MBD3: variants seen among roughly 807,000 people sequenced by gnomAD.
MBD3 encodes the protein methyl-CpG-binding domain protein 3.
Under a neutral mutation model 31.2 loss-of-function variants are expected in MBD3, and 13 were observed. The observed-to-expected ratio is 0.42, with a 90% CI of 0.27 to 0.66. The LOEUF is 0.66. Ranked by LOEUF, MBD3 falls within the 30% of genes least tolerant of loss-of-function variation. MBD3 has a pLI of 0.26. For synonymous variants in MBD3, 223 were observed against 187.4 expected (o/e 1.19, Z -1.55); for missense variants, 440 against 426.5 (o/e 1.03, Z -0.28).
At chr19:1,584,910 CCTGCGCCTTCCGCT>C in intron 2 of MBD3, 131 bp downstream of exon 2, 1 of 1,250,214 alleles carries the variant, frequency 8.0e-7, no homozygotes, top group South Asian at 1.3e-5. Flanking sequence ...CACCCTGTGG[CCTGCGCCTTCCGCT>C]CTGTGCCCTC....
intron 2 of MBD3, 69 bp downstream of exon 2, chr19:1,584,986 T>A (rs1222614318): frequency 8.8e-6 from 14 of 1,589,074 alleles, no homozygotes; most frequent in African/African-American, 1.3e-5. Flanking sequence ...CGCCTGCAGC[T>A]CACGTCATGG....
In MBD3 at chr19:1,575,429, CAGA is replaced by C. The variant is rs1173299259; in HGVS notation, c.*2732_*2734del. 3.0e-6 allele frequency: 1 copy of C among 330,062 alleles called. No homozygotes were observed. Among genetic ancestry groups the C allele is most frequent in the Non-Finnish European group, 6.1e-6 (1 of 164,810 alleles). The allele number at this position is 330,062 out of a possible 1,614,324, so 20.4% of individuals were successfully genotyped here. A position where few individuals can be genotyped will look rare whatever the true frequency, so the allele number is the denominator to read the frequency against. On this transcript the variant is annotated 3_prime_UTR_variant, in exon 7 of 7. Transcript: ENST00000434436. ...TCTTGTCTAAAAAAAAAAAAAGTCC[CAGA>C]AGGTCTTGGGGCTGAGACATGGGCG...
intron 1 of MBD3, among the ~76,000 whole-genome samples, chr19:1,591,598 T>C (rs2060703938): frequency 6.6e-6 from 1 of 152,024 alleles, no homozygotes; most frequent in African/African-American, 2.4e-5. Context: ...CGTCCTCCGC[T>C]TTCCCCTCCT....
At chr19:1,587,244 C>G (rs1449994904) in intron 1 of MBD3, among the ~76,000 whole-genome samples, 5 of 150,746 alleles carry the variant, frequency 3.3e-5, no homozygotes, top group Non-Finnish European at 7.4e-5. Flanking sequence ...GGATTACAGG[C>G]GTGAGCCACC....
At chr19:1,581,905 C>T (rs1480026770) in intron 4 of MBD3, among the ~76,000 whole-genome samples, 1 of 151,868 alleles carries the variant, frequency 6.6e-6, no homozygotes, top group African/African-American at 2.4e-5. Flanking sequence ...GTAGCTGAGA[C>T]TACAGGCGGC....
In MBD3 at chr19:1,584,567, C is replaced by T. The variant is rs375461852; in HGVS notation, c.381G>A (p.Pro127=). ...NHPSNKVKSD[P]QKAVDQPRQL... is the part of the protein sequence containing the mutation. ...GGCGCGGCTGGTCCACCGCCTTCTG[C>T]GGGTCGCTCTTGACCTTGTTGCTGG... The change falls in exon 3 of 7, where the codon CCG becomes CCA. Residue 127 remains proline, a synonymous_variant. Coordinates refer to ENST00000434436, the MANE Select transcript of MBD3 (RefSeq NM_001281453.2). 2 of 1,613,680 alleles carry T rather than the reference C, an allele frequency of 1.2e-6. No individual in the cohort carries two copies. The highest frequency in any genetic ancestry group is 2.2e-5 in the East Asian group (1 of 44,862).
Position 1,584,648 on chromosome 19 carries a change from G to T in MBD3, c.300C>A (p.Pro100=), listed in dbSNP as rs1474183201. Residue 100 remains proline, a synonymous_variant, in exon 3 of 7, where the codon CCC becomes CCA. Transcript: ENST00000434436. The stretch of plus-strand genomic sequence containing the variant: ...TGAAGATGGACGCCGTCTGGCGCAC[G>T]GGCAGCGCCGTGTTCAGGTCGGGCT... ...KGKPDLNTAL[P]VRQTASIFKQ... The T allele has an allele frequency of 6.2e-7, 1 of 1,613,308 alleles. No homozygotes were observed. Among genetic ancestry groups the T allele is most frequent in the Middle Eastern group, 1.6e-4 (1 of 6,062 alleles).
Position 1,592,537 on chromosome 19 carries a change from TC to T in MBD3, c.94del (p.Asp32MetfsTer28). The T allele has an allele frequency of 7.0e-7, 1 of 1,431,276 alleles. No individual in the cohort carries two copies. Among genetic ancestry groups the T allele is most frequent in the Non-Finnish European group, 9.4e-7 (1 of 1,068,524 alleles). The allele number at this position is 1,431,276 out of a possible 1,614,324, so 88.7% of individuals were successfully genotyped here. On this transcript the variant is annotated frameshift_variant, in exon 1 of 7. Coordinates refer to ENST00000434436, the MANE Select transcript of MBD3 (RefSeq NM_001281453.2). LOFTEE classifies it high-confidence loss of function. ...GCTCATTCACCTATAGTAAAAGACA[TC>T]CCTGTGGCCGGCCGACAGCCCCGAC... ...RRSGLSAGHR[D>X]VFYYSPSGKK...
intron 4 of MBD3, chr19:1,581,481 G>A (rs544686028): frequency 1.1e-4 from 67 of 614,108 alleles, no homozygotes; most frequent in South Asian, 1.0e-3. Flanking sequence ...GGCGACTCCC[G>A]CCTGTAATCC....
intron 2 of MBD3, 37 bp from the exon 3 acceptor site, chr19:1,584,714 G>C (rs767695872): frequency 1.9e-6 from 3 of 1,597,068 alleles, no homozygotes; most frequent in African/African-American, 2.7e-5. Flanking sequence ...GCCTGGGGGC[G>C]CCCCGGCGGC....
rs1046862645 is a variant in MBD3, at chr19:1,578,652, C to G, written c.678-114G>C. On this transcript the variant is annotated intron_variant, in intron 5 of 6. Transcript: ENST00000434436. This position sits in a 1 kb window ranked among gnomAD's most constrained non-coding sequence, Gnocchi z 6.1. Reference sequence around the variant, plus strand: ...GGAGGCCCGAGGGATCCACAGGCACCCCCCCAGGACCAGCCCTGGCCCGTG... The same window carrying G: ...GGAGGCCCGAGGGATCCACAGGCACGCCCCCAGGACCAGCCCTGGCCCGTG... The G allele has an allele frequency of 6.3e-7, 1 of 1,587,212 alleles. No homozygotes were observed. Among genetic ancestry groups the G allele is most frequent in the African/African-American group, 1.3e-5 (1 of 74,632 alleles).
At chr19:1,586,091 T>C (rs2145604586) in intron 1 of MBD3, 1 of 152,326 alleles carries the variant, frequency 6.6e-6, no homozygotes, top group African/African-American at 2.4e-5. Context: ...GGAACAGCCA[T>C]GTTGGAAAAG....
Position 1,585,282 on chromosome 19 carries a change from G to C in MBD3, c.111-68C>G, listed in dbSNP as rs2060673932. 1.3e-6 allele frequency: 2 copies of C among 1,507,754 alleles called. No individual in the cohort carries two copies. Among genetic ancestry groups the C allele is most frequent in the Non-Finnish European group, 1.8e-6 (2 of 1,125,818 alleles). The allele number at this position is 1,507,754 out of a possible 1,614,324, so 93.4% of individuals were successfully genotyped here. ...ACCCCAAACCCAGGCCTCGGCCGCA[G>C]ACCCAAACCCAGTCCCAGCCCCAGC... is the stretch of plus-strand genomic sequence containing the variant. On this transcript the variant is annotated intron_variant, in intron 1 of 6. Transcript: ENST00000434436. This position sits in a 1 kb window ranked among gnomAD's most constrained non-coding sequence, Gnocchi z 4.1.
chr19:1,575,232 C>A lies in MBD3; in HGVS notation c.*2932G>T, dbSNP rs572013627. 4.7e-6 allele frequency: 2 copies of A among 428,124 alleles called. No individual in the cohort carries two copies. Among genetic ancestry groups the A allele is most frequent in the East Asian group, 7.4e-5 (1 of 13,574 alleles). The allele number at this position is 428,124 out of a possible 1,614,324, so 26.5% of individuals were successfully genotyped here. A position where few individuals can be genotyped will look rare whatever the true frequency, so the allele number is the denominator to read the frequency against. ...ATCACCTGAGGTTAGGAGTTCCAGA[C>A]CAGACTGGCCAACATGGTGAAACCC... is the stretch of plus-strand genomic sequence containing the variant. On this transcript the variant is annotated 3_prime_UTR_variant, in exon 7 of 7. Transcript: ENST00000434436.
At chr19:1,579,323 T>C (rs1917293622) in intron 5 of MBD3, among the ~76,000 whole-genome samples, 1 of 150,066 alleles carries the variant, frequency 6.7e-6, no homozygotes, top group Non-Finnish European at 1.5e-5. Flanking sequence ...TTACCATGGC[T>C]CGGGCGGCCT....
chr19:1,586,444 G>A (rs1599346374), intron 1 of MBD3: 1 of 152,366 alleles, frequency 6.6e-6, no homozygotes, highest in East Asian at 1.9e-4. Context: ...GAGACAGGAA[G>A]GGGACGCGTA....
chr19:1,584,529 G>T lies in MBD3; in HGVS notation c.408+11C>A. ...GCCGGGAAGGCTGGGGTCGCTGTGC[G>T]TTGAGCTCACCTGGCGCGGCTGGTC... On this transcript the variant is annotated intron_variant, in intron 3 of 6. Transcript: ENST00000434436. The T allele has an allele frequency of 6.2e-7, 1 of 1,612,638 alleles. No individual in the cohort carries two copies.
intron 3 of MBD3, 25 bp downstream of exon 3, chr19:1,584,515 T>C (rs1395599138): frequency 6.2e-7 from 1 of 1,611,246 alleles, no homozygotes; most frequent in African/African-American, 1.3e-5. Flanking sequence ...CCGGGAAGGC[T>C]GGGGTCGCTG....
chr19:1,584,564 C>T lies in MBD3; in HGVS notation c.384G>A (p.Gln128=), dbSNP rs1210619890. Residue 128 remains glutamine, a synonymous_variant, in exon 3 of 7, where the codon CAG becomes CAA. Coordinates refer to ENST00000434436, the MANE Select transcript of MBD3 (RefSeq NM_001281453.2). ...HPSNKVKSDP[Q]KAVDQPRQLF... is the part of the protein sequence containing the mutation. ...CCTGGCGCGGCTGGTCCACCGCCTTCTGCGGGTCGCTCTTGACCTTGTTGC... is the reference window on the plus strand; with the variant it reads ...CCTGGCGCGGCTGGTCCACCGCCTTTTGCGGGTCGCTCTTGACCTTGTTGC... 5 of 1,613,776 alleles carry T rather than the reference C, an allele frequency of 3.1e-6. 1 individual carries two copies. The South Asian group carries it at 3.3e-5, about 11-fold the overall frequency.
Sources: allele counts gnomAD v4.1 joint callset (sites outside exome capture counted in the v4.1 genomes callset), GRCh38; gene constraint gnomAD v4.1.1; non-coding constraint Gnocchi (gnomAD v3.1); transcripts MANE v1.5; gene names NCBI Gene and HGNC (gene_info 2026-07-23, HGNC 2026-07-21).